Variants in MEDAG observed in about 807,000 individuals in gnomAD.
The protein encoded by MEDAG is mesenteric estrogen-dependent adipogenesis protein.
A neutral mutation model predicts 29.9 loss-of-function variants in MEDAG; 25 were observed. That is an observed-to-expected ratio of 0.84 (90% CI 0.61 to 1.17). MEDAG has a LOEUF of 1.17. MEDAG is among the 50% of genes most tolerant of loss of function. MEDAG has a pLI of 0.00. For missense variants in MEDAG, 398 were observed against 372.9 expected, an observed-to-expected ratio of 1.07 and a Z score of -0.56; for synonymous variants, 158 against 148.2, an observed-to-expected ratio of 1.07 and a Z score of -0.48.
chr13:30,919,580 A>T (rs2138125657), intron 2 of MEDAG, among the ~76,000 whole-genome samples: 2 of 152,366 alleles, frequency 1.3e-5, no homozygotes, highest in South Asian at 2.1e-4. Context: ...GGCAGCTTAT[A>T]TCTAAAGTGC....
chr13:30,919,753 A>G (rs142178491), intron 2 of MEDAG, among the ~76,000 whole-genome samples: 2 of 152,310 alleles, frequency 1.3e-5, no homozygotes, highest in East Asian at 3.9e-4. Context: ...AGTTCTAAAA[A>G]TCACACAGTG....
intron 1 of MEDAG, among the ~76,000 whole-genome samples, chr13:30,910,508 G>T (rs1034101684): frequency 6.6e-6 from 1 of 152,220 alleles, no homozygotes; most frequent in Non-Finnish European, 1.5e-5. Context: ...GTAAGATGCT[G>T]CTAAGTGGGA....
chr13:30,923,668 C>T (rs1953011705), intron 4 of MEDAG, among the ~76,000 whole-genome samples: 1 of 152,168 alleles, frequency 6.6e-6, no homozygotes, highest in African/African-American at 2.4e-5. Flanking sequence ...TTTCTGACAC[C>T]CCTGAGTTCA....
intron 1 of MEDAG, among the ~76,000 whole-genome samples, chr13:30,911,022 G>A (rs1343823388): frequency 1.3e-5 from 2 of 152,212 alleles, no homozygotes; most frequent in African/African-American, 2.4e-5. Context: ...TCCATGCATT[G>A]AGCTGTGAGA....
chr13:30,923,013 T>C (rs887039496), intron 4 of MEDAG, among the ~76,000 whole-genome samples: 4 of 152,168 alleles, frequency 2.6e-5, no homozygotes, highest in Admixed American at 6.5e-5. Flanking sequence ...CTCCTCCTCC[T>C]GGGCATAAAC....
intron 1 of MEDAG, chr13:30,916,059 A>C (rs1003004517): frequency 6.6e-6 from 1 of 152,206 alleles, no homozygotes; most frequent in Non-Finnish European, 1.5e-5. Flanking sequence ...TAGAGGCTCC[A>C]TCAGGGGTCA....
chr13:30,917,603 C>A, intron 2 of MEDAG, 91 bp downstream of exon 2: 1 of 732,626 alleles, frequency 1.4e-6, no homozygotes, highest in Non-Finnish European at 2.3e-6. Flanking sequence ...AATTGGCTCA[C>A]GGTTCTGCAG....
At position 30,917,413 on chromosome 13, in the gene MEDAG, C is replaced by T; in HGVS notation, c.289C>T (p.Leu97=). The change falls in exon 2 of 5, where the codon CTG becomes TTG. Residue 97 remains leucine (L), a synonymous_variant. Coordinates refer to ENST00000380482, the MANE Select transcript of MEDAG (RefSeq NM_032849.4). ...LSSYIKRYVE[L]TNYCDYKDYR... is the part of the protein sequence containing the mutation. ...TCTGCTTCTTCATAGGTATGTGGAA[C>T]TGACCAACTACTGTGATTATAAAGA... 6.3e-7 allele frequency: 1 copy of T among 1,590,302 alleles called. No individual in the cohort carries two copies. The highest frequency in any genetic ancestry group is 8.6e-7 in the Non-Finnish European group (1 of 1,158,602).
intron 4 of MEDAG, chr13:30,922,325 G>A (rs947988522): frequency 7.0e-6 from 1 of 143,232 alleles, no homozygotes; most frequent in Non-Finnish European, 1.5e-5. Flanking sequence ...GTGTGATCTT[G>A]GCTCACTGCA....
rs535933757 is a variant in MEDAG at position 30,925,076 on chromosome 13, G to C, written c.*641G>C. 1 of 152,280 alleles carries C rather than the reference G, an allele frequency of 6.6e-6. No homozygotes were observed. Among genetic ancestry groups the C allele is most frequent in the East Asian group, 1.9e-4 (1 of 5,186 alleles). The allele number at this position is 152,280 out of a possible 1,614,324, so 9.4% of individuals were successfully genotyped here. A position where few individuals can be genotyped will look rare whatever the true frequency, so the allele number is the denominator to read the frequency against. On this transcript the variant is annotated 3_prime_UTR_variant, in exon 5 of 5. Coordinates refer to ENST00000380482, the MANE Select transcript of MEDAG (RefSeq NM_032849.4). ...CCCTGCCACACACTGCCTGAAATCG[G>C]AACTCCCTTGGCCTCCCTCTTAACT...
intron 2 of MEDAG, among the ~76,000 whole-genome samples, chr13:30,918,010 G>A (rs1281589211): frequency 6.6e-6 from 1 of 152,160 alleles, no homozygotes; most frequent in Admixed American, 6.5e-5. Flanking sequence ...ACAGCAAGGA[G>A]CCTGGTGGGT....
At position 30,921,847 on chromosome 13, in the gene MEDAG, G is replaced by C. The variant is rs1161638489; in HGVS notation, c.787+1G>C. ...CGAAAGTTCAGTGTAACTTCCAGAGGTATGTTAAAAATTCCGAAGGATATG... is the reference window on the plus strand; with the variant it reads ...CGAAAGTTCAGTGTAACTTCCAGAGCTATGTTAAAAATTCCGAAGGATATG... On this transcript the variant is annotated splice_donor_variant, in intron 4 of 4. Coordinates refer to ENST00000380482, the MANE Select transcript of MEDAG (RefSeq NM_032849.4). LOFTEE classifies it high-confidence loss of function. The C allele has an allele frequency of 1.9e-6, 3 of 1,588,548 alleles. No individual in the cohort carries two copies. Among genetic ancestry groups the C allele is most frequent in the South Asian group, 2.3e-5 (2 of 86,156 alleles).
chr13:30,921,557 T>G lies in MEDAG; in HGVS notation c.502-4T>G. 6.3e-7 allele frequency: 1 copy of G among 1,599,166 alleles called. No individual in the cohort carries two copies. The highest frequency in any genetic ancestry group is 1.1e-5 in the South Asian group (1 of 87,430). ...AGTCAATGCAATGTTCCTCTCTCTT[T>G]CAGTTTGATTTTCAAGAGGCAGTGA... On this transcript the variant is annotated splice_region_variant and splice_polypyrimidine_tract_variant and intron_variant, in intron 3 of 4. Transcript: ENST00000380482.
At chr13:30,913,971 G>C (rs1952903990) in intron 1 of MEDAG, among the ~76,000 whole-genome samples, 2 of 152,224 alleles carry the variant, frequency 1.3e-5, no homozygotes, top group Admixed American at 1.3e-4. Flanking sequence ...GAACATGGGA[G>C]ACGGAGGTTG....
intron 2 of MEDAG, among the ~76,000 whole-genome samples, chr13:30,919,957 G>T (rs1296759089): frequency 6.6e-6 from 1 of 152,198 alleles, no homozygotes; most frequent in Non-Finnish European, 1.5e-5. Flanking sequence ...AATTGAACAT[G>T]AGGGGTTACC....
chr13:30,923,209 C>A (rs775800800), intron 4 of MEDAG, among the ~76,000 whole-genome samples: 4 of 152,160 alleles, frequency 2.6e-5, no homozygotes, highest in African/African-American at 4.8e-5. Flanking sequence ...GTGTGAGCCA[C>A]CACGCCTGGC....
At chr13:30,917,068 A>T (rs1593508258) in intron 1 of MEDAG, among the ~76,000 whole-genome samples, 2 of 152,316 alleles carry the variant, frequency 1.3e-5, no homozygotes, top group Admixed American at 6.5e-5. Context: ...CGAATTCATT[A>T]TCAATTCAGA....
chr13:30,915,655 C>T (rs1359888902), intron 1 of MEDAG, among the ~76,000 whole-genome samples: 1 of 150,242 alleles, frequency 6.7e-6, no homozygotes, highest in African/African-American at 2.5e-5. Flanking sequence ...ACACCAGCAC[C>T]ACTCCCCTCA....
chr13:30,912,798 T>G (rs1248952636), intron 1 of MEDAG, among the ~76,000 whole-genome samples: 1 of 152,210 alleles, frequency 6.6e-6, no homozygotes, highest in Non-Finnish European at 1.5e-5. Flanking sequence ...AAGGAGCAAC[T>G]CTTGCTCATT....
Sources: allele counts gnomAD v4.1 joint callset (sites outside exome capture counted in the v4.1 genomes callset), GRCh38; gene constraint gnomAD v4.1.1; transcripts MANE v1.5; gene names NCBI Gene and HGNC (gene_info 2026-07-23, HGNC 2026-07-21).